The following ROBO1 variants were observed in gnomAD, a reference collection of about 807,000 sequenced individuals.
The protein encoded by ROBO1 is roundabout guidance receptor 1.
A neutral mutation model predicts 195.9 loss-of-function variants in ROBO1; 149 were observed. The ratio of observed to expected loss-of-function variants is 0.76; its 90% CI spans 0.67 to 0.87. The LOEUF is 0.87. ROBO1 is among the 40% of genes least tolerant of loss of function. ROBO1 has a pLI of 0.00. For synonymous variants in ROBO1, 816 were observed against 733.2 expected (o/e 1.11, Z -1.82); for missense variants, 1,933 against 2,068.3 (o/e 0.93, Z 1.27).
At chr3:78,736,589 C>T (rs1365811456) in intron 5 of ROBO1, among the ~76,000 whole-genome samples, 1 of 152,070 alleles carries the variant, frequency 6.6e-6, no homozygotes, top group Non-Finnish European at 1.5e-5. Flanking sequence ...TATCGGTATA[C>T]CAAGCTGTTG....
At chr3:78,877,110 T>C (rs2035899340) in intron 4 of ROBO1, among the ~76,000 whole-genome samples, 1 of 152,080 alleles carries the variant, frequency 6.6e-6, no homozygotes, top group African/African-American at 2.4e-5. Context: ...ATTTATTAAA[T>C]AGATAAATGA....
intron 1 of ROBO1, among the ~76,000 whole-genome samples, chr3:79,695,566 T>C (rs1693259596): frequency 6.6e-6 from 1 of 151,458 alleles, no homozygotes; most frequent in African/African-American, 2.4e-5. Flanking sequence ...CACCAAGCAC[T>C]TAAAACCGAG....
chr3:78,835,530 G>T (rs1187989833), intron 4 of ROBO1, among the ~76,000 whole-genome samples: 6 of 152,124 alleles, frequency 3.9e-5, no homozygotes, highest in African/African-American at 1.4e-4. Flanking sequence ...TTACAATGTT[G>T]TCTGCTAAAT....
intron 3 of ROBO1, among the ~76,000 whole-genome samples, chr3:78,994,968 C>T (rs2077325865): frequency 6.6e-6 from 1 of 152,118 alleles, no homozygotes; most frequent in Non-Finnish European, 1.5e-5. Context: ...ATACATTCAG[C>T]CTACCAGGAC....
rs1444446712 is a variant in ROBO1, at chr3:78,670,161, C to T, written c.1483G>A (p.Val495Ile). The T allele has an allele frequency of 4.3e-6, 7 of 1,613,216 alleles. No individual in the cohort carries two copies. The highest frequency in any genetic ancestry group is 4.5e-5 in the East Asian group (2 of 44,844). Residue 495 changes from valine (V) to isoleucine (I), a missense_variant, in exon 11 of 31, where the codon GTT (valine) becomes ATT (isoleucine). Coordinates refer to ENST00000464233, the MANE Select transcript of ROBO1 (RefSeq NM_002941.4). ...TILWRKDGVLVSTQDSRIKQL... is the reference protein window; with the variant it reads ...TILWRKDGVLISTQDSRIKQL... ...TTGATTCGAGAGTCTTGGGTTGAAA[C>T]GAGGACTCCATCCTTTCTCCACAGA...
At chr3:78,914,507 T>C (rs2038438485) in intron 4 of ROBO1, among the ~76,000 whole-genome samples, 1 of 151,916 alleles carries the variant, frequency 6.6e-6, no homozygotes, top group Non-Finnish European at 1.5e-5. Context: ...CCAATCAACA[T>C]CCTATTTGGG....
At chr3:79,050,214 T>A (rs1460982274) in intron 3 of ROBO1, among the ~76,000 whole-genome samples, 1 of 151,790 alleles carries the variant, frequency 6.6e-6, no homozygotes, top group Non-Finnish European at 1.5e-5. Context: ...ACCTAGCAAA[T>A]GGGAAGCAAA....
intron 16 of ROBO1, 172 bp from the exon 17 acceptor site, chr3:78,659,979 G>A (rs1707290588): frequency 2.6e-6 from 1 of 383,736 alleles, no homozygotes. Flanking sequence ...GTAGTGCTGT[G>A]ACATGATCTC....
chr3:78,861,500 T>C (rs977145799), intron 4 of ROBO1, among the ~76,000 whole-genome samples: 7 of 152,198 alleles, frequency 4.6e-5, no homozygotes, highest in Admixed American at 1.3e-4. Flanking sequence ...TGCCTCCTAC[T>C]ATAGAATTCT....
At chr3:79,184,293 A>C (rs1251641216) in intron 2 of ROBO1, among the ~76,000 whole-genome samples, 2 of 152,200 alleles carry the variant, frequency 1.3e-5, no homozygotes, top group African/African-American at 4.8e-5. Context: ...CTTTTTAAAA[A>C]GACAATAATC....
chr3:78,784,133 T>G (rs909165127), intron 4 of ROBO1, among the ~76,000 whole-genome samples: 4 of 152,146 alleles, frequency 2.6e-5, no homozygotes, highest in Non-Finnish European at 4.4e-5. Flanking sequence ...TATATCACAA[T>G]TATAACAAAA....
intron 1 of ROBO1, among the ~76,000 whole-genome samples, chr3:79,599,731 G>T (rs758597493): frequency 2.3e-4 from 35 of 151,904 alleles, no homozygotes; most frequent in Non-Finnish European, 2.9e-4. Context: ...GAAAAACGGG[G>T]ATATTATCTT....
chr3:79,718,669 C>A (rs1433654113), intron 1 of ROBO1, among the ~76,000 whole-genome samples: 6 of 151,682 alleles, frequency 4.0e-5, no homozygotes, highest in African/African-American at 9.7e-5. Flanking sequence ...TGTGCAGCCA[C>A]AAATAGAAAA....
chr3:79,436,206 T>G (rs2038880645), intron 2 of ROBO1, among the ~76,000 whole-genome samples: 1 of 152,196 alleles, frequency 6.6e-6, no homozygotes, highest in Admixed American at 6.5e-5. Flanking sequence ...ATTTTAAAAA[T>G]AATAAATGAA....
intron 2 of ROBO1, among the ~76,000 whole-genome samples, chr3:79,234,010 T>A (rs1057198417): frequency 3.3e-5 from 5 of 151,956 alleles, no homozygotes; most frequent in African/African-American, 1.2e-4. Flanking sequence ...TAAGTTCTTG[T>A]CTTTTGCCCA....
At chr3:79,125,101 T>A (rs1359839346) in intron 3 of ROBO1, among the ~76,000 whole-genome samples, 1 of 152,108 alleles carries the variant, frequency 6.6e-6, no homozygotes, top group Non-Finnish European at 1.5e-5. Flanking sequence ...CCAAATTACT[T>A]GCAGGTAGTG....
intron 3 of ROBO1, among the ~76,000 whole-genome samples, chr3:79,087,644 TTTC>T (rs2079397835): frequency 1.3e-5 from 2 of 151,990 alleles, no homozygotes; most frequent in African/African-American, 4.8e-5. Flanking sequence ...CCCCACCTTG[TTTC>T]TTTTCTCTAA....
chr3:78,865,938 G>A lies in ROBO1; in HGVS notation c.499+72663C>T, dbSNP rs191178711. ...ATATTTAGCCTTACATTCAAACACT[G>A]GACATAGCTCTCGAATAGAGGATAT... On this transcript the variant is annotated intron_variant, in intron 4 of 30. Coordinates refer to ENST00000464233, the MANE Select transcript of ROBO1 (RefSeq NM_002941.4). Among the ~76,000 whole-genome samples the A allele has an allele frequency of 6.1e-3, 932 of 152,100 alleles. 8 individuals are homozygous for A. The highest frequency in any genetic ancestry group is 0.021 in the Middle Eastern group (6 of 292).
At chr3:78,677,174 T>C (rs1464941239) in intron 10 of ROBO1, among the ~76,000 whole-genome samples, 3 of 152,032 alleles carry the variant, frequency 2.0e-5, no homozygotes, top group Admixed American at 6.6e-5. Flanking sequence ...CTGAAGGAAG[T>C]ACTAAACGTG....
Sources: gnomAD v4.1 joint callset for allele counts (sites outside exome capture counted in the v4.1 genomes callset) on GRCh38, gnomAD v4.1.1 for gene constraint, MANE v1.5 for transcripts, NCBI Gene and HGNC (gene_info 2026-07-23, HGNC 2026-07-21) for gene names.